Variants in CADM2 observed in about 807,000 individuals in gnomAD.
The protein encoded by CADM2 is immunoglobulin superfamily member 4D.
CADM2 carries 12 observed loss-of-function variants against 49.8 expected under a neutral mutation model. The ratio of observed to expected loss-of-function variants is 0.24; its 90% CI spans 0.15 to 0.39. The LOEUF (loss-of-function observed/expected upper bound fraction) is 0.39. CADM2 is among the 10% of genes least tolerant of loss of function. The pLI is 1.00. For missense variants in CADM2, 378 were observed against 492.3 expected (o/e 0.77, Z 2.20); for synonymous variants, 214 against 175.4 (o/e 1.22, Z -1.74).
chr3:85,523,071 T>C lies in CADM2; in HGVS notation c.62-203451T>C, dbSNP rs986949432. ...ATCAGACCCCCACACATTTGCTAGATTAAATTTACATTAGTGTGTATATAT... is the reference window on the plus strand; with the variant it reads ...ATCAGACCCCCACACATTTGCTAGACTAAATTTACATTAGTGTGTATATAT... On this transcript the variant is annotated intron_variant, in intron 1 of 9. Transcript: ENST00000383699. Among the ~76,000 whole-genome samples, 4 of 151,908 alleles carry C rather than the reference T, an allele frequency of 2.6e-5. No homozygotes were observed. The South Asian group carries it at 8.3e-4, about 31-fold the overall frequency.
chr3:85,514,033 C>T (rs888539018), intron 1 of CADM2, among the ~76,000 whole-genome samples: 11 of 152,040 alleles, frequency 7.2e-5, no homozygotes, highest in African/African-American at 2.7e-4. Flanking sequence ...ATAAGAATGG[C>T]AATGGACAAA....
At chr3:85,860,877 C>A (rs1402619631) in intron 3 of CADM2, among the ~76,000 whole-genome samples, 1 of 152,052 alleles carries the variant, frequency 6.6e-6, no homozygotes, top group South Asian at 2.1e-4. Context: ...GGGGTGAAAG[C>A]ACCACAAAAT....
chr3:86,065,450 A>G (rs1739193711), intron 8 of CADM2, among the ~76,000 whole-genome samples, 155 bp from the exon 9 acceptor site: 1 of 152,260 alleles, frequency 6.6e-6, no homozygotes. Flanking sequence ...TACCTTGTAT[A>G]TTATATTTGT....
At chr3:85,508,223 A>G (rs2040444956) in intron 1 of CADM2, among the ~76,000 whole-genome samples, 1 of 152,062 alleles carries the variant, frequency 6.6e-6, no homozygotes, top group African/African-American at 2.4e-5. Flanking sequence ...ATGACCTACT[A>G]TTTCACCTGA....
At position 85,995,993 on chromosome 3, in the gene CADM2, G is replaced by A. The variant is rs553187886; in HGVS notation, c.970+34346G>A. Reference sequence around the variant, plus strand: ...TAGTCCCAGCTACTCGGGAGGCTGAGGCAGGAGAATGGCGTGAACCCAGGA... The same window carrying A: ...TAGTCCCAGCTACTCGGGAGGCTGAAGCAGGAGAATGGCGTGAACCCAGGA... On this transcript the variant is annotated intron_variant, in intron 8 of 9. Coordinates refer to ENST00000383699, the MANE Select transcript of CADM2 (RefSeq NM_001167675.2). Among the ~76,000 whole-genome samples, 232 of 151,860 alleles carry A rather than the reference G, an allele frequency of 1.5e-3. 1 individual carries two copies. The highest frequency in any genetic ancestry group is 5.2e-3 in the African/African-American group (216 of 41,442).
At chr3:85,970,056 T>C (rs1411016691) in intron 8 of CADM2, among the ~76,000 whole-genome samples, 1 of 149,932 alleles carries the variant, frequency 6.7e-6, no homozygotes, top group Non-Finnish European at 1.5e-5. Context: ...ATAATTGATA[T>C]TCCTTGGTCA....
intron 1 of CADM2, among the ~76,000 whole-genome samples, chr3:85,383,295 G>A (rs2034006358): frequency 6.6e-6 from 1 of 151,752 alleles, no homozygotes; most frequent in Non-Finnish European, 1.5e-5. Flanking sequence ...TTTTTTGTTT[G>A]TCTTGCTCAA....
chr3:85,358,229 A>G (rs568062066), intron 1 of CADM2, among the ~76,000 whole-genome samples: 1 of 152,236 alleles, frequency 6.6e-6, no homozygotes, highest in South Asian at 2.1e-4. Flanking sequence ...ACATGTCTGC[A>G]GACATGCCCA....
At chr3:85,801,717 A>AC (rs1405312654) in intron 2 of CADM2, among the ~76,000 whole-genome samples, 3 of 152,170 alleles carry the variant, frequency 2.0e-5, no homozygotes, top group Non-Finnish European at 2.9e-5. Flanking sequence ...TTCAACAATG[A>AC]CCAAGTTTAG....
At chr3:85,822,276 G>C (rs1386789803) in intron 3 of CADM2, among the ~76,000 whole-genome samples, 1 of 152,034 alleles carries the variant, frequency 6.6e-6, no homozygotes, top group African/African-American at 2.4e-5. Context: ...GCAAGTTTAG[G>C]ATATTTATTT....
chr3:85,886,080 ACTT>A, intron 4 of CADM2, 107 bp from the exon 5 acceptor site: 1 of 1,495,392 alleles, frequency 6.7e-7, no homozygotes, highest in Non-Finnish European at 9.0e-7. Flanking sequence ...TCTTGATCGA[ACTT>A]CTTGTCAATT....
At chr3:85,159,750 CAG>C (rs1375426565) in intron 1 of CADM2, among the ~76,000 whole-genome samples, 2 of 152,060 alleles carry the variant, frequency 1.3e-5, no homozygotes, top group African/African-American at 2.4e-5. Flanking sequence ...ACGAATTTTA[CAG>C]AGTTTTTAGG....
chr3:85,371,955 A>G (rs1367857811), intron 1 of CADM2, among the ~76,000 whole-genome samples: 3 of 151,548 alleles, frequency 2.0e-5, no homozygotes, highest in Non-Finnish European at 2.9e-5. Flanking sequence ...GAAAATGTAA[A>G]CATATTTGTT....
At chr3:85,653,606 A>AT (rs2065117525) in intron 1 of CADM2, among the ~76,000 whole-genome samples, 1 of 151,980 alleles carries the variant, frequency 6.6e-6, no homozygotes, top group Non-Finnish European at 1.5e-5. Flanking sequence ...GTTTTATGAT[A>AT]TTTTTTAAAT....
chr3:85,840,863 G>A (rs979693078), intron 3 of CADM2, among the ~76,000 whole-genome samples: 3 of 151,638 alleles, frequency 2.0e-5, no homozygotes, highest in Non-Finnish European at 4.4e-5. Flanking sequence ...GACTTGAATT[G>A]TAAACTGGGC....
intron 1 of CADM2, among the ~76,000 whole-genome samples, chr3:85,652,745 A>G (rs2065079641): frequency 1.4e-5 from 2 of 144,292 alleles, no homozygotes; most frequent in Non-Finnish European, 3.1e-5. Flanking sequence ...TGTGCATACA[A>G]ATAACCTGAA....
intron 1 of CADM2, among the ~76,000 whole-genome samples, chr3:85,063,132 T>C (rs1015605617): frequency 6.6e-6 from 1 of 151,892 alleles, no homozygotes; most frequent in Non-Finnish European, 1.5e-5. Flanking sequence ...AATTGCAGTG[T>C]TAATCAAAAA....
At chr3:85,914,909 T>C (rs1026699630) in intron 6 of CADM2, among the ~76,000 whole-genome samples, 6 of 152,164 alleles carry the variant, frequency 3.9e-5, no homozygotes, top group African/African-American at 1.4e-4. Context: ...AGGTTTGCTA[T>C]TATAAAGACA....
chr3:85,563,416 G>GGT (rs1553742890), intron 1 of CADM2, among the ~76,000 whole-genome samples: 1 of 148,676 alleles, frequency 6.7e-6, no homozygotes, highest in Non-Finnish European at 1.5e-5. Flanking sequence ...GTGTGTGGGG[G>GGT]GGTGGTAATT....
Sources: gnomAD v4.1 joint callset for allele counts (sites outside exome capture counted in the v4.1 genomes callset) on GRCh38, gnomAD v4.1.1 for gene constraint, MANE v1.5 for transcripts, NCBI Gene and HGNC (gene_info 2026-07-23, HGNC 2026-07-21) for gene names.